Variants in SYN3 observed in about 807,000 individuals in gnomAD.
The protein encoded by SYN3 is synapsin-3.
In SYN3, 35 loss-of-function variants were observed where a neutral mutation model predicts 65.8. The ratio of observed to expected loss-of-function variants is 0.53; its 90% CI spans 0.41 to 0.70. The LOEUF is 0.70. Ranked by LOEUF, SYN3 falls within the 30% of genes least tolerant of loss-of-function variation. SYN3 has a pLI of 0.00. For missense variants in SYN3, 680 were observed against 749.0 expected (o/e 0.91, Z 1.08); for synonymous variants, 270 against 292.9 (o/e 0.92, Z 0.80).
intron 2 of SYN3, among the ~76,000 whole-genome samples, chr22:32,992,538 C>T (rs1187487088): frequency 6.6e-6 from 1 of 152,154 alleles, no homozygotes; most frequent in Non-Finnish European, 1.5e-5. Flanking sequence ...CTCTGCCAGG[C>T]GTGGTGGCTC....
rs150793535 is a variant in SYN3, at chr22:32,821,452, A to C, written c.711+43463T>G. ...GTCAAAGAAGGTGGGTGTGGCCCTC[A>C]TAGCCAGAGTTGATAGAAATGGATT... On this transcript the variant is annotated intron_variant, in intron 6 of 13. Coordinates refer to ENST00000358763, the MANE Select transcript of SYN3 (RefSeq NM_003490.4). Among the ~76,000 whole-genome samples the C allele has an allele frequency of 3.6e-3, 546 of 152,344 alleles. 3 individuals carry two copies. Among genetic ancestry groups the C allele is most frequent in the African/African-American group, 0.012 (506 of 41,582 alleles).
At chr22:32,699,150 T>C (rs991999455) in intron 6 of SYN3, among the ~76,000 whole-genome samples, 1 of 152,168 alleles carries the variant, frequency 6.6e-6, no homozygotes, top group Admixed American at 6.5e-5. Flanking sequence ...GCGGAGCACA[T>C]TGACAGAGTT....
rs2050104212 is a variant in SYN3 at position 32,913,358 on chromosome 22, C to G, written c.461+18032G>C. Among the ~76,000 whole-genome samples, 3 of 151,962 alleles carry G rather than the reference C, an allele frequency of 2.0e-5. No individual in the cohort carries two copies. The South Asian group carries it at 6.2e-4, about 32-fold the overall frequency. On this transcript the variant is annotated intron_variant, in intron 4 of 13. Coordinates refer to ENST00000358763, the MANE Select transcript of SYN3 (RefSeq NM_003490.4). ...TATTTTTAGTAGAGATGGGGTTTCA[C>G]CATGTTAGCTAGGATGGTCTCGATC...
chr22:32,972,850 A>G (rs893320731), intron 3 of SYN3, among the ~76,000 whole-genome samples: 20 of 152,052 alleles, frequency 1.3e-4, no homozygotes, highest in African/African-American at 4.8e-4. Flanking sequence ...CAAAGAAGAA[A>G]AAAAAAAAGC....
chr22:32,634,377 T>C (rs9619281), intron 6 of SYN3, among the ~76,000 whole-genome samples: 29,080 of 152,112 alleles, frequency 0.19, 6,215 homozygotes, highest in African/African-American at 0.53. Context: ...TCAGGATTCT[T>C]GGCATCTTCT....
chr22:33,010,761 T>A (rs1204064257), intron 1 of SYN3, among the ~76,000 whole-genome samples: 1 of 152,228 alleles, frequency 6.6e-6, no homozygotes, highest in Non-Finnish European at 1.5e-5. Flanking sequence ...GGGTTCTCTA[T>A]GAACACAGTA....
At chr22:33,028,670 G>GTGGTGGTGGTGGTGGTGGTGATGGTGA (rs2053686009) in intron 1 of SYN3, among the ~76,000 whole-genome samples, 1 of 118,028 alleles carries the variant, frequency 8.5e-6, no homozygotes, top group Non-Finnish European at 1.7e-5. Flanking sequence ...GGTGGTGGTG[G>GTGGTGGTGGTGGTGGTGGTGATGGTGA]TGGTGGTGGT....
intron 6 of SYN3, among the ~76,000 whole-genome samples, chr22:32,807,393 TAA>T (rs1491147334): frequency 1.3e-4 from 13 of 101,670 alleles, no homozygotes; most frequent in African/African-American, 3.5e-4. Flanking sequence ...ATATTATATA[TAA>T]TATATATATA....
intron 6 of SYN3, among the ~76,000 whole-genome samples, chr22:32,783,831 T>A (rs1427112472): frequency 6.6e-6 from 1 of 152,200 alleles, no homozygotes; most frequent in East Asian, 1.9e-4. Flanking sequence ...ACCAATCTCA[T>A]CTTTGGCATG....
At chr22:33,040,746 G>C (rs1404942762) in intron 1 of SYN3, among the ~76,000 whole-genome samples, 1 of 152,076 alleles carries the variant, frequency 6.6e-6, no homozygotes, top group East Asian at 1.9e-4. Flanking sequence ...ACATCTCATG[G>C]TTTTATAAGC....
At chr22:32,988,999 T>TG (rs60228580) in intron 2 of SYN3, among the ~76,000 whole-genome samples, 63,620 of 151,910 alleles carry the variant, frequency 0.42, 13,402 homozygotes, top group Middle Eastern at 0.47. Flanking sequence ...TCTACTCACA[T>TG]GTTGTCAACA....
chr22:32,969,952 TA>T (rs1447608092), intron 3 of SYN3, among the ~76,000 whole-genome samples: 1 of 152,062 alleles, frequency 6.6e-6, no homozygotes, highest in African/African-American at 2.4e-5. Flanking sequence ...CACACAAACA[TA>T]AGCTTTTTAT....
Position 32,528,003 on chromosome 22 carries a change from A to G in SYN3, c.1233T>C (p.Ala411=), listed in dbSNP as rs2058009468. 6.4e-7 allele frequency: 1 copy of G among 1,561,782 alleles called. No homozygotes were observed. Among genetic ancestry groups the G allele is most frequent in the Non-Finnish European group, 8.7e-7 (1 of 1,151,432 alleles). ...GTAPSPLRPW[A]PQIKSAKSPG... is the part of the protein sequence containing the mutation. ...GGGATTTCGCTGATTTAATCTGTGG[A>G]GCCTAGAGCAGAAGAGAAAAGAAGC... Residue 411 remains alanine, a splice_region_variant and synonymous_variant, in exon 12 of 14, where the codon GCT becomes GCC. Coordinates refer to ENST00000358763, the MANE Select transcript of SYN3 (RefSeq NM_003490.4).
chr22:32,950,081 T>C (rs745729935), intron 3 of SYN3, among the ~76,000 whole-genome samples: 1 of 152,196 alleles, frequency 6.6e-6, no homozygotes, highest in Non-Finnish European at 1.5e-5. Context: ...TGGTCCAGAC[T>C]GTACCCTTAA....
At chr22:32,607,913 C>A (rs1378359759) in intron 6 of SYN3, among the ~76,000 whole-genome samples, 1 of 152,162 alleles carries the variant, frequency 6.6e-6, no homozygotes, top group East Asian at 1.9e-4. Context: ...GACGGGGAAG[C>A]GAAGACCACC....
intron 4 of SYN3, among the ~76,000 whole-genome samples, chr22:32,877,770 CT>C (rs772795953): frequency 6.6e-6 from 1 of 152,106 alleles, no homozygotes; most frequent in Non-Finnish European, 1.5e-5. Flanking sequence ...AGCTCCTTCA[CT>C]GTTTTCTCCC....
chr22:32,686,738 G>A (rs941963639), intron 6 of SYN3, among the ~76,000 whole-genome samples: 9 of 151,372 alleles, frequency 5.9e-5, no homozygotes, highest in Non-Finnish European at 1.0e-4. Context: ...TGGGATTACA[G>A]GCGCCCACCA....
chr22:32,641,587 G>C lies in SYN3; in HGVS notation c.712-44851C>G, dbSNP rs534593662. 4.8e-5 allele frequency among the ~76,000 whole-genome samples: 6 copies of C among 126,148 alleles called. No individual in the cohort carries two copies. In the Admixed American group the frequency reaches 5.6e-4, roughly 12 times the overall value. The allele number at this position is 126,148 out of a possible 152,430, so 82.8% of individuals were successfully genotyped here. A position where few individuals can be genotyped will look rare whatever the true frequency, so the allele number is the denominator to read the frequency against. ...GGTGCCACTGCACTCCAGCCTGGGC[G>C]ACAGAGCAAGACTCCATCTCAAAAA... On this transcript the variant is annotated intron_variant, in intron 6 of 13. Transcript: ENST00000358763.
chr22:32,663,939 C>A (rs77547047), intron 6 of SYN3, among the ~76,000 whole-genome samples: 2 of 151,938 alleles, frequency 1.3e-5, no homozygotes, highest in South Asian at 2.1e-4. Context: ...ATTCCCCCCC[C>A]ACACTGCACA....
Sources: allele counts gnomAD v4.1 joint callset (sites outside exome capture counted in the v4.1 genomes callset), GRCh38; gene constraint gnomAD v4.1.1; transcripts MANE v1.5; gene names NCBI Gene and HGNC (gene_info 2026-07-23, HGNC 2026-07-21).